MYO16: variants seen among roughly 807,000 people sequenced by gnomAD.
MYO16 encodes unconventional myosin-XVI.
A neutral mutation model predicts 205.3 loss-of-function variants in MYO16; 94 were observed. The observed-to-expected ratio is 0.46, with a 90% confidence interval of 0.39 to 0.54. The LOEUF is 0.54. Among genes scored for constraint, MYO16 ranks in the 20% least tolerant of loss-of-function variants. MYO16 has a pLI of 0.00. For missense variants in MYO16, 2,315 were observed against 2,387.5 expected (o/e 0.97, Z 0.63); for synonymous variants, 988 against 954.0 (o/e 1.04, Z -0.66).
chr13:108,891,878 G>A (rs957810136), intron 14 of MYO16, among the ~76,000 whole-genome samples: 1 of 152,122 alleles, frequency 6.6e-6, no homozygotes, highest in Non-Finnish European at 1.5e-5. Context: ...TGTTTCTGTG[G>A]CACCTGCTTT....
chr13:108,806,564 G>A, intron 6 of MYO16, 115 bp from the exon 7 acceptor site: 1 of 785,602 alleles, frequency 1.3e-6, no homozygotes. Flanking sequence ...TGTTTTTATG[G>A]TCTCTGTATT....
rs537941477 is a variant in MYO16, at chr13:109,143,963, T to C, written c.5164+2587T>C. Among the ~76,000 whole-genome samples the C allele has an allele frequency of 2.6e-4, 40 of 152,024 alleles. 1 individual carries two copies. The highest frequency in any genetic ancestry group is 8.4e-4 in the African/African-American group (35 of 41,476). Reference sequence around the variant, plus strand: ...CAGACCAGGTCATCCCTGTACATAATCTAACTCCCTGTAGTTAGATTATGG... The same window carrying C: ...CAGACCAGGTCATCCCTGTACATAACCTAACTCCCTGTAGTTAGATTATGG... On this transcript the variant is annotated intron_variant, in intron 32 of 34. Transcript: ENST00000457511.
At chr13:108,940,327 G>T (rs1408018156) in intron 16 of MYO16, among the ~76,000 whole-genome samples, 3 of 152,042 alleles carry the variant, frequency 2.0e-5, no homozygotes, top group Non-Finnish European at 4.4e-5. Context: ...AAGATTATTT[G>T]TACTATGTTC....
intron 15 of MYO16, among the ~76,000 whole-genome samples, chr13:108,909,100 A>T (rs752349058): frequency 3.9e-5 from 6 of 152,258 alleles, no homozygotes; most frequent in Middle Eastern, 3.4e-3. Flanking sequence ...AAACAATGAA[A>T]TTTTCAGCAT....
At chr13:109,098,930 C>G (rs751460678) in intron 27 of MYO16, among the ~76,000 whole-genome samples, 3 of 152,058 alleles carry the variant, frequency 2.0e-5, no homozygotes, top group African/African-American at 7.2e-5. Flanking sequence ...CATGAGTCAC[C>G]CACTTATCAA....
chr13:108,961,026 G>A (rs577494814), intron 17 of MYO16, among the ~76,000 whole-genome samples: 2 of 152,198 alleles, frequency 1.3e-5, no homozygotes, highest in African/African-American at 4.8e-5. Context: ...GTTTTTCCAG[G>A]AGAAGTAAAC....
chr13:108,898,276 C>T, intron 15 of MYO16, 143 bp downstream of exon 15: 1 of 671,020 alleles, frequency 1.5e-6, no homozygotes, highest in Non-Finnish European at 2.6e-6. Flanking sequence ...CTGGAAACAG[C>T]TTAAGATACT....
the MYO16 span, among the ~76,000 whole-genome samples, chr13:108,524,421 T>C: frequency 2.0e-5 from 3 of 152,334 alleles, no homozygotes; most frequent in South Asian, 6.2e-4. Context: ...CCCTTCACCT[T>C]GCACCATGAT....
the MYO16 span, among the ~76,000 whole-genome samples, chr13:108,582,001 T>C: frequency 3.9e-5 from 6 of 152,134 alleles, no homozygotes; most frequent in Non-Finnish European, 7.4e-5. Flanking sequence ...ATTGAGCTAA[T>C]GTATATTCAT....
At chr13:109,168,935 T>C (rs1878813963) in intron 33 of MYO16, among the ~76,000 whole-genome samples, 1 of 152,178 alleles carries the variant, frequency 6.6e-6, no homozygotes, top group South Asian at 2.1e-4. Flanking sequence ...ATCGTGGCCA[T>C]GGCTGGGCTT....
intron 7 of MYO16, among the ~76,000 whole-genome samples, chr13:108,809,951 A>G (rs76680448): frequency 0.016 from 2,452 of 152,248 alleles, 63 homozygotes; most frequent in African/African-American, 0.056. Flanking sequence ...GGAGACTTTT[A>G]CTTAGTTCAG....
At chr13:109,163,805 G>C (rs1878508858) in intron 32 of MYO16, 1 of 152,132 alleles carries the variant, frequency 6.6e-6, no homozygotes, top group African/African-American at 2.4e-5. Flanking sequence ...GCAAAATAAG[G>C]ATAACATCTC....
chr13:108,720,489 G>A (rs1415411937), intron 3 of MYO16, among the ~76,000 whole-genome samples: 1 of 152,098 alleles, frequency 6.6e-6, no homozygotes, highest in African/African-American at 2.4e-5. Context: ...CATAAACATA[G>A]GACAAAAACA....
intron 27 of MYO16, among the ~76,000 whole-genome samples, chr13:109,087,103 C>G (rs1888455354): frequency 6.6e-6 from 1 of 152,166 alleles, no homozygotes; most frequent in Admixed American, 6.5e-5. Context: ...TTAATTCAAC[C>G]CTTGCCACAC....
intron 6 of MYO16, among the ~76,000 whole-genome samples, chr13:108,802,939 G>C (rs1887010081): frequency 6.6e-6 from 1 of 152,066 alleles, no homozygotes; most frequent in African/African-American, 2.4e-5. Context: ...TTGTTATTCA[G>C]CTGTTTGAGG....
Position 108,849,940 on chromosome 13 carries a change from C to T in MYO16, c.1248+5447C>T, listed in dbSNP as rs190409440. 5.6e-5 allele frequency among the ~76,000 whole-genome samples: 8 copies of T among 143,008 alleles called. No homozygotes were observed. The East Asian group carries it at 1.6e-3, about 29-fold the overall frequency. The allele number at this position is 143,008 out of a possible 152,430, so 93.8% of individuals were successfully genotyped here. A position where few individuals can be genotyped will look rare whatever the true frequency, so the allele number is the denominator to read the frequency against. On this transcript the variant is annotated intron_variant, in intron 10 of 34. Coordinates refer to ENST00000457511, the MANE Select transcript of MYO16 (RefSeq NM_001198950.3). ...GGTTATTTGCGCCTAGACTGCCTTC[C>T]TCCAAATCCTGTTGAATTTCCTCTT...
At chr13:108,685,321 G>A (rs4643167) in intron 2 of MYO16, among the ~76,000 whole-genome samples, 1,907 of 152,144 alleles carry the variant, frequency 0.013, 17 homozygotes, top group Middle Eastern at 0.024. Flanking sequence ...GCACCCAGCC[G>A]AGAACCCCAA....
At chr13:108,764,734 T>G (rs1885723516) in intron 4 of MYO16, among the ~76,000 whole-genome samples, 1 of 152,210 alleles carries the variant, frequency 6.6e-6, no homozygotes, top group Admixed American at 6.5e-5. Context: ...CCTTGTGAAA[T>G]TGTATCTTTT....
chr13:109,022,333 TTATATATTATATACAAATATATATG>T (rs1886073150), intron 23 of MYO16, among the ~76,000 whole-genome samples: 1 of 29,566 alleles, frequency 3.4e-5, no homozygotes, highest in East Asian at 2.7e-3. Context: ...AAATATATAT[TTATATATTATATACAAATATATATG>T]TATATATGTA....
Sources: gnomAD v4.1 joint callset for allele counts (sites outside exome capture counted in the v4.1 genomes callset) on GRCh38, gnomAD v4.1.1 for gene constraint, MANE v1.5 for transcripts, NCBI Gene and HGNC (gene_info 2026-07-23, HGNC 2026-07-21) for gene names.